The following THRB variants were observed in gnomAD, a reference collection of about 807,000 sequenced individuals.
THRB encodes the protein thyroid hormone receptor beta, also known as nuclear receptor subfamily 1 group A member 2.
Under a neutral mutation model 47.8 loss-of-function variants are expected in THRB, and 12 were observed. That is an observed-to-expected ratio of 0.25 (90% CI 0.16 to 0.41). The LOEUF is 0.41. Ranked by LOEUF, THRB falls within the 10% of genes least tolerant of loss-of-function variation. The pLI is 1.00. For synonymous variants in THRB, 218 were observed against 212.2 expected, an observed-to-expected ratio of 1.03 and a Z score of -0.24; for missense variants, 348 against 589.2, an observed-to-expected ratio of 0.59 and a Z score of 4.24.
chr3:24,486,598 T>C (rs1367567907), intron 1 of THRB: 2 of 152,210 alleles, frequency 1.3e-5, no homozygotes, highest in African/African-American at 4.8e-5. Flanking sequence ...AGCAATACCT[T>C]ATGTTTATGA....
intron 9 of THRB, 84 bp from the exon 10 acceptor site, chr3:24,127,841 G>A: frequency 2.8e-6 from 4 of 1,437,768 alleles, no homozygotes; most frequent in Non-Finnish European, 3.9e-6. Flanking sequence ...AAAGCAATAG[G>A]AATAACCTTC....
intron 5 of THRB, among the ~76,000 whole-genome samples, chr3:24,177,839 C>G (rs1359099557): frequency 1.3e-5 from 2 of 152,158 alleles, no homozygotes; most frequent in Non-Finnish European, 2.9e-5. Context: ...AAGACATACT[C>G]TGATCTTAGT....
At chr3:24,326,927 G>A (rs964395210) in intron 2 of THRB, among the ~76,000 whole-genome samples, 1 of 151,796 alleles carries the variant, frequency 6.6e-6, no homozygotes, top group African/African-American at 2.4e-5. Flanking sequence ...ACCATGCCCA[G>A]CTAATTTTTG....
Position 24,402,109 on chromosome 3 carries a change from C to T in THRB, c.-260-64738G>A, listed in dbSNP as rs141448614. Among the ~76,000 whole-genome samples the T allele has an allele frequency of 5.9e-5, 9 of 152,024 alleles. No individual in the cohort carries two copies. In the East Asian group the frequency reaches 1.6e-3, roughly 26 times the overall value. On this transcript the variant is annotated intron_variant, in intron 1 of 10. Transcript: ENST00000646209. The stretch of plus-strand genomic sequence containing the variant: ...AGGTTTTTAGAAAACAGAGCTCTGC[C>T]CCCAACCCCACCATCAGGATGTTAC...
chr3:24,493,003 TTC>T (rs1266509623), intron 1 of THRB, among the ~76,000 whole-genome samples: 3 of 152,260 alleles, frequency 2.0e-5, no homozygotes, highest in Admixed American at 6.5e-5. Flanking sequence ...TAAAAATAGA[TTC>T]TGTTAGTATT....
At chr3:24,413,548 C>CT (rs1001725982) in intron 1 of THRB, among the ~76,000 whole-genome samples, 2 of 151,194 alleles carry the variant, frequency 1.3e-5, no homozygotes, top group Non-Finnish European at 1.5e-5. Flanking sequence ...GACCTATTAA[C>CT]TTTTTTTTTC....
intron 3 of THRB, among the ~76,000 whole-genome samples, chr3:24,241,200 A>G (rs1393774037): frequency 6.6e-6 from 1 of 152,200 alleles, no homozygotes; most frequent in Non-Finnish European, 1.5e-5. Flanking sequence ...ACTTGTAAGT[A>G]TGGGGCACAA....
chr3:24,135,154 G>A (rs2034456553), intron 8 of THRB, among the ~76,000 whole-genome samples: 1 of 152,152 alleles, frequency 6.6e-6, no homozygotes, highest in Non-Finnish European at 1.5e-5. Flanking sequence ...ACCAAGTCCA[G>A]CTTAGAGTAA....
At chr3:24,338,157 A>G (rs1052944552) in intron 1 of THRB, among the ~76,000 whole-genome samples, 2 of 152,194 alleles carry the variant, frequency 1.3e-5, no homozygotes, top group Non-Finnish European at 2.9e-5. Flanking sequence ...CCCCAAATAT[A>G]AACATTTTGT....
intron 5 of THRB, among the ~76,000 whole-genome samples, chr3:24,175,370 G>C (rs1055784147): frequency 1.3e-5 from 2 of 152,066 alleles, no homozygotes; most frequent in Admixed American, 1.3e-4. Flanking sequence ...CTGGGATAAC[G>C]ATCAAGGGTT....
At chr3:24,151,503 G>T (rs2036934231) in intron 6 of THRB, among the ~76,000 whole-genome samples, 1 of 152,102 alleles carries the variant, frequency 6.6e-6, no homozygotes, top group Non-Finnish European at 1.5e-5. Flanking sequence ...AATATAAGAG[G>T]TAAAAAAGAC....
intron 1 of THRB, among the ~76,000 whole-genome samples, chr3:24,476,258 C>T (rs187424980): frequency 6.2e-4 from 95 of 152,304 alleles, no homozygotes; most frequent in Non-Finnish European, 1.1e-3. Context: ...TGGCTTCACC[C>T]AGATCACACC....
intron 3 of THRB, among the ~76,000 whole-genome samples, chr3:24,275,243 AAAATT>A (rs2053788059): frequency 6.6e-6 from 1 of 151,950 alleles, no homozygotes; most frequent in African/African-American, 2.4e-5. Flanking sequence ...TGAAAAACTA[AAAATT>A]AAATAAAAGT....
At chr3:24,276,500 A>G (rs1428706587) in intron 3 of THRB, among the ~76,000 whole-genome samples, 2 of 152,190 alleles carry the variant, frequency 1.3e-5, no homozygotes, top group Non-Finnish European at 2.9e-5. Flanking sequence ...ACAAATCTAC[A>G]TTTTGTTATC....
At chr3:24,189,972 C>A in intron 5 of THRB, 102 bp downstream of exon 5, 1 of 1,149,198 alleles carries the variant, frequency 8.7e-7, no homozygotes. Flanking sequence ...ACATGGGACA[C>A]CATACATTGG....
In THRB at chr3:24,366,621, C is replaced by CTTT. The variant is rs11389687; in HGVS notation, c.-260-29253_-260-29251dup. Among the ~76,000 whole-genome samples the CTTT allele has an allele frequency of 6.4e-5, 8 of 125,846 alleles. 1 individual carries two copies. Among genetic ancestry groups the CTTT allele is most frequent in the South Asian group, 2.6e-4 (1 of 3,806 alleles). The allele number at this position is 125,846 out of a possible 152,430, so 82.6% of individuals were successfully genotyped here. ...TCTGTGACTATAGCACAGCCTCTCA[C>CTTT]TTTTTTTTTTTTTTTTTTGAGAAGG... On this transcript the variant is annotated intron_variant, in intron 1 of 10. Transcript: ENST00000646209.
chr3:24,329,595 T>C (rs770477043), intron 2 of THRB, among the ~76,000 whole-genome samples: 2 of 152,262 alleles, frequency 1.3e-5, no homozygotes, highest in African/African-American at 2.4e-5. Context: ...GGGCACCATT[T>C]ACACAGTGAC....
intron 5 of THRB, among the ~76,000 whole-genome samples, chr3:24,170,942 C>G (rs1190676663): frequency 2.0e-5 from 3 of 151,894 alleles, no homozygotes; most frequent in Non-Finnish European, 4.4e-5. Context: ...ATCTGTCTGT[C>G]TAAAATCGAT....
At chr3:24,473,702 A>G (rs1291313764) in intron 1 of THRB, among the ~76,000 whole-genome samples, 1 of 152,236 alleles carries the variant, frequency 6.6e-6, no homozygotes, top group Non-Finnish European at 1.5e-5. Context: ...ATGCCCATTA[A>G]TGATAGATTG....
Sources: gnomAD v4.1 joint callset for allele counts (sites outside exome capture counted in the v4.1 genomes callset) on GRCh38, gnomAD v4.1.1 for gene constraint, MANE v1.5 for transcripts, NCBI Gene and HGNC (gene_info 2026-07-23, HGNC 2026-07-21) for gene names.